The following ADAM18 variants were observed in gnomAD, a reference collection of about 807,000 sequenced individuals.
The protein encoded by ADAM18 is ADAM metallopeptidase domain 18, also known as disintegrin and metalloproteinase domain-containing protein 18.
In ADAM18, 117 loss-of-function variants were observed where a neutral mutation model predicts 94.4. That is an observed-to-expected ratio of 1.24 (90% CI 1.07 to 1.45). The LOEUF is 1.45. Among genes scored for constraint, ADAM18 ranks in the 40% most tolerant of loss-of-function variants. ADAM18 has a pLI of 0.00. For missense variants in ADAM18, 936 were observed against 880.0 expected (o/e 1.06, Z -0.81); for synonymous variants, 327 against 291.6 (o/e 1.12, Z -1.24).
At chr8:39,672,419 T>C (rs1366272457) in intron 14 of ADAM18, among the ~76,000 whole-genome samples, 1 of 152,116 alleles carries the variant, frequency 6.6e-6, no homozygotes, top group Non-Finnish European at 1.5e-5. Flanking sequence ...TTATAAGCAG[T>C]AGATATGCAG....
At chr8:39,606,872 G>A (rs1819102114) in intron 3 of ADAM18, among the ~76,000 whole-genome samples, 1 of 152,122 alleles carries the variant, frequency 6.6e-6, no homozygotes, top group African/African-American at 2.4e-5. Flanking sequence ...TGGCGGGCAG[G>A]GGCGGGGAAC....
Position 39,613,100 on chromosome 8 carries a change from G to A in ADAM18, c.522+2394G>A, listed in dbSNP as rs542834664. On this transcript the variant is annotated intron_variant, in intron 6 of 19. Coordinates refer to ENST00000265707, the MANE Select transcript of ADAM18 (RefSeq NM_014237.3). ...ATGCATGCATCGAACCCAACATGCC[G>A]CTACCACCACAGGTACATACATGCA... Among the ~76,000 whole-genome samples the A allele has an allele frequency of 6.6e-5, 10 of 152,104 alleles. 1 individual carries two copies. The highest frequency in any genetic ancestry group is 6.2e-4 in the South Asian group (3 of 4,822).
intron 18 of ADAM18, among the ~76,000 whole-genome samples, chr8:39,714,188 G>A (rs1169841904): frequency 6.6e-6 from 1 of 152,098 alleles, no homozygotes; most frequent in East Asian, 1.9e-4. Context: ...ACTATCACAG[G>A]ACAGAAAACC....
At chr8:39,690,840 C>A (rs902638485) in intron 16 of ADAM18, among the ~76,000 whole-genome samples, 2 of 152,180 alleles carry the variant, frequency 1.3e-5, no homozygotes, top group Admixed American at 1.3e-4. Flanking sequence ...TTGACCCAAC[C>A]ATCCCACTTC....
intron 14 of ADAM18, among the ~76,000 whole-genome samples, chr8:39,675,615 C>G (rs1259117631): frequency 6.6e-6 from 1 of 152,210 alleles, no homozygotes; most frequent in Non-Finnish European, 1.5e-5. Context: ...CCTTCTGAAG[C>G]TTACTTCTGT....
intron 12 of ADAM18, among the ~76,000 whole-genome samples, chr8:39,656,072 C>CA (rs1288871530): frequency 3.3e-5 from 5 of 151,812 alleles, no homozygotes; most frequent in Non-Finnish European, 5.9e-5. Context: ...TCCCGAAGTG[C>CA]AATTCCAATT....
intron 6 of ADAM18, among the ~76,000 whole-genome samples, chr8:39,622,038 T>C (rs1819629978): frequency 6.6e-6 from 1 of 152,188 alleles, no homozygotes; most frequent in South Asian, 2.1e-4. Context: ...CATGTTTACC[T>C]ATGTAACAGA....
rs200198090 is a variant in ADAM18, at chr8:39,682,636, TCC to T, written c.1821+2417_1821+2418del. Among the ~76,000 whole-genome samples, 28 of 152,030 alleles carry T rather than the reference TCC, an allele frequency of 1.8e-4. No homozygotes were observed. In the Middle Eastern group the frequency reaches 0.017, roughly 92 times the overall value. On this transcript the variant is annotated intron_variant, in intron 16 of 19. Transcript: ENST00000265707. ...ACCAGTAATTTCTTTTTAGTTCTAATCCCCCCCCACACACACTTTGAATTAAA... is the reference window on the plus strand; with the variant it reads ...ACCAGTAATTTCTTTTTAGTTCTAATCCCCCCACACACACTTTGAATTAAA...
At chr8:39,701,719 T>TA (rs1432500653) in intron 17 of ADAM18, among the ~76,000 whole-genome samples, 1 of 152,144 alleles carries the variant, frequency 6.6e-6, no homozygotes, top group East Asian at 1.9e-4. Flanking sequence ...CGTTCCCACT[T>TA]ATAAGTGAGA....
intron 17 of ADAM18, among the ~76,000 whole-genome samples, chr8:39,696,598 C>T (rs993143123): frequency 2.6e-5 from 4 of 151,454 alleles, no homozygotes; most frequent in African/African-American, 9.7e-5. Context: ...TGGATATACA[C>T]TTTTCCCAGC....
intron 2 of ADAM18, among the ~76,000 whole-genome samples, chr8:39,599,195 T>C (rs1292757291): frequency 6.6e-6 from 1 of 152,218 alleles, no homozygotes; most frequent in African/African-American, 2.4e-5. Context: ...ATTACATGAA[T>C]TGATTTTCAA....
chr8:39,695,925 T>C (rs1352806359), intron 17 of ADAM18, among the ~76,000 whole-genome samples: 1 of 151,464 alleles, frequency 6.6e-6, no homozygotes, highest in Non-Finnish European at 1.5e-5. Context: ...TTATTCTGGG[T>C]ATATGGCCAG....
chr8:39,596,330 A>G (rs902307421), intron 2 of ADAM18, among the ~76,000 whole-genome samples: 1 of 152,126 alleles, frequency 6.6e-6, no homozygotes, highest in Admixed American at 6.6e-5. Flanking sequence ...TGCTCTACCT[A>G]ATCATCCCTC....
intron 2 of ADAM18, among the ~76,000 whole-genome samples, chr8:39,592,347 T>TA (rs1486072439): frequency 2.6e-5 from 4 of 152,232 alleles, no homozygotes; most frequent in Non-Finnish European, 4.4e-5. Context: ...TTTACATTGA[T>TA]AAAAAAAGGA....
chr8:39,593,483 A>C (rs1479916558), intron 2 of ADAM18, among the ~76,000 whole-genome samples: 1 of 152,174 alleles, frequency 6.6e-6, no homozygotes. Flanking sequence ...TTCCTGATTT[A>C]AAATTATATT....
At position 39,610,507 on chromosome 8, in the gene ADAM18, C is replaced by A. The variant is rs753098867; in HGVS notation, c.345-22C>A. The A allele has an allele frequency of 4.4e-6, 7 of 1,578,378 alleles. No homozygotes were observed. The Admixed American group carries it at 1.2e-4, about 28-fold the overall frequency. On this transcript the variant is annotated intron_variant, in intron 5 of 19. Transcript: ENST00000265707. ...TTTGTGAGATTTTTATAACTATTTT[C>A]TTATGCCTTCTAAATTTTCAGGGGA...
intron 5 of ADAM18, among the ~76,000 whole-genome samples, chr8:39,610,217 A>G (rs1021900678): frequency 1.3e-5 from 2 of 152,136 alleles, no homozygotes; most frequent in African/African-American, 4.8e-5. Flanking sequence ...CTGGAAGAAC[A>G]GGAACGTTTT....
chr8:39,729,600 G>A (rs997397684), intron 19 of ADAM18, among the ~76,000 whole-genome samples: 1 of 151,830 alleles, frequency 6.6e-6, no homozygotes, highest in Non-Finnish European at 1.5e-5. Flanking sequence ...TAGTTTGCCT[G>A]GTAAATTATA....
At chr8:39,592,358 A>C (rs571738354) in intron 2 of ADAM18, among the ~76,000 whole-genome samples, 1 of 152,322 alleles carries the variant, frequency 6.6e-6, no homozygotes, top group African/African-American at 2.4e-5. Flanking sequence ...AAAAAAAGGA[A>C]TATAGATCAT....
Sources: allele counts gnomAD v4.1 joint callset (sites outside exome capture counted in the v4.1 genomes callset), GRCh38; gene constraint gnomAD v4.1.1; transcripts MANE v1.5; gene names NCBI Gene and HGNC (gene_info 2026-07-23, HGNC 2026-07-21).